Variants in PELI1 observed in about 807,000 individuals in gnomAD.
PELI1 encodes pellino E3 ubiquitin protein ligase 1.
PELI1 carries 15 observed loss-of-function variants against 41.3 expected under a neutral mutation model. That is an observed-to-expected ratio of 0.36 (90% CI 0.24 to 0.56). The LOEUF (loss-of-function observed/expected upper bound fraction) is 0.56. PELI1 is among the 20% of genes least tolerant of loss of function. The probability of loss-of-function intolerance (pLI) is 0.82; values close to 1 mark genes in which losing one functional copy is unlikely to be tolerated. For missense variants in PELI1, 403 were observed against 525.5 expected (o/e 0.77, Z 2.28); for synonymous variants, 178 against 180.1 (o/e 0.99, Z 0.09).
chr2:64,115,308 T>C (rs1680957653), intron 1 of PELI1, among the ~76,000 whole-genome samples: 1 of 152,202 alleles, frequency 6.6e-6, no homozygotes, highest in African/African-American at 2.4e-5. Context: ...AAGGGGCCCA[T>C]ATTTAGAAAA....
chr2:64,131,462 T>A (rs1681554191), intron 1 of PELI1, among the ~76,000 whole-genome samples: 1 of 152,130 alleles, frequency 6.6e-6, no homozygotes, highest in African/African-American at 2.4e-5. Context: ...TATTGTTATT[T>A]TTTATTATAT....
At chr2:64,108,105 AC>A in intron 2 of PELI1, 134 bp downstream of exon 2, 1 of 605,160 alleles carries the variant, frequency 1.7e-6, no homozygotes, top group Non-Finnish European at 3.0e-6. Flanking sequence ...TGATTTGGTA[AC>A]ATTACCTGTA....
chr2:64,141,083 T>C (rs1681897886), intron 1 of PELI1, among the ~76,000 whole-genome samples: 1 of 152,218 alleles, frequency 6.6e-6, no homozygotes, highest in African/African-American at 2.4e-5. Flanking sequence ...TAGAAATCTA[T>C]AAACAGAAAG....
At chr2:64,119,835 A>G (rs1014864526) in intron 1 of PELI1, among the ~76,000 whole-genome samples, 71 of 152,328 alleles carry the variant, frequency 4.7e-4, no homozygotes, top group African/African-American at 1.6e-3. Flanking sequence ...GCACCTTTTC[A>G]TATTAGTAAA....
intron 1 of PELI1, among the ~76,000 whole-genome samples, chr2:64,137,164 A>G (rs1331423191): frequency 3.3e-5 from 5 of 152,218 alleles, no homozygotes; most frequent in Non-Finnish European, 7.4e-5. Context: ...GCATTTAAAC[A>G]TTTAGATGAG....
intron 1 of PELI1, among the ~76,000 whole-genome samples, chr2:64,133,030 T>C (rs550707925): frequency 3.9e-5 from 6 of 152,210 alleles, no homozygotes; most frequent in Non-Finnish European, 8.8e-5. Context: ...GGCCTCTTTA[T>C]TTCTTGGTCT....
chr2:64,109,177 T>C (rs1680721851), intron 1 of PELI1, among the ~76,000 whole-genome samples: 2 of 152,272 alleles, frequency 1.3e-5, no homozygotes, highest in Non-Finnish European at 1.5e-5. Context: ...ATCCTCTTCC[T>C]GAGGCATCAG....
chr2:64,129,803 A>G (rs1318278766), intron 1 of PELI1, among the ~76,000 whole-genome samples: 2 of 152,228 alleles, frequency 1.3e-5, no homozygotes, highest in Non-Finnish European at 2.9e-5. Flanking sequence ...GTATAATAGA[A>G]TATAGTCTAC....
chr2:64,096,392 T>C (rs76204822), intron 5 of PELI1, 21 bp downstream of exon 5: 23 of 1,599,134 alleles, frequency 1.4e-5, no homozygotes, highest in Non-Finnish European at 1.7e-5. Context: ...GAAAGCATCA[T>C]TTAGAAAAAA....
chr2:64,101,985 G>A (rs952952581), intron 3 of PELI1, among the ~76,000 whole-genome samples: 7 of 151,916 alleles, frequency 4.6e-5, no homozygotes, highest in East Asian at 1.9e-4. Context: ...ATGCCACCAC[G>A]CCCGGCTAAT....
At chr2:64,138,179 C>T (rs932851809) in intron 1 of PELI1, among the ~76,000 whole-genome samples, 2 of 152,064 alleles carry the variant, frequency 1.3e-5, no homozygotes, top group Non-Finnish European at 2.9e-5. Flanking sequence ...TCAAATGATC[C>T]TCCCACCTCA....
Position 64,094,513 on chromosome 2 carries a change from A to G in PELI1, c.*189T>C, listed in dbSNP as rs534079623. The G allele has an allele frequency of 2.0e-5, 10 of 504,800 alleles. No individual in the cohort carries two copies. The South Asian group carries it at 3.5e-4, about 18-fold the overall frequency. 31.3% of individuals were successfully genotyped at this position (504,800 alleles called of 1,614,324 possible). ...GAATTCAGAAGACTGATACTTTCAGAAATTCCTTTGCTTGAGTTTCCCAGA... is the reference window on the plus strand; with the variant it reads ...GAATTCAGAAGACTGATACTTTCAGGAATTCCTTTGCTTGAGTTTCCCAGA... On this transcript the variant is annotated 3_prime_UTR_variant, in exon 7 of 7. Coordinates refer to ENST00000358912, the MANE Select transcript of PELI1 (RefSeq NM_020651.4).
At chr2:64,114,420 A>G (rs1481869685) in intron 1 of PELI1, among the ~76,000 whole-genome samples, 1 of 152,196 alleles carries the variant, frequency 6.6e-6, no homozygotes, top group Non-Finnish European at 1.5e-5. Flanking sequence ...AGGAGAAATA[A>G]TGGTGTGCAG....
At chr2:64,119,748 G>C (rs1681144734) in intron 1 of PELI1, among the ~76,000 whole-genome samples, 1 of 152,144 alleles carries the variant, frequency 6.6e-6, no homozygotes, top group Non-Finnish European at 1.5e-5. Context: ...GAAAGAGTAT[G>C]ATATTCCATT....
At chr2:64,112,309 A>T (rs1161856288) in intron 1 of PELI1, among the ~76,000 whole-genome samples, 1 of 152,152 alleles carries the variant, frequency 6.6e-6, no homozygotes, top group Non-Finnish European at 1.5e-5. Flanking sequence ...AAGGGACTAA[A>T]GTGGAATAAA....
intron 1 of PELI1, among the ~76,000 whole-genome samples, chr2:64,132,597 C>A (rs1000258540): frequency 2.0e-5 from 3 of 152,130 alleles, no homozygotes; most frequent in Non-Finnish European, 4.4e-5. Context: ...CCACCTATGT[C>A]AAGTTCATTC....
chr2:64,095,918 C>T (rs1329231601), intron 6 of PELI1, among the ~76,000 whole-genome samples: 1 of 152,176 alleles, frequency 6.6e-6, no homozygotes, highest in Non-Finnish European at 1.5e-5. Flanking sequence ...GCTGGGATTA[C>T]AGGTGTGAGC....
At chr2:64,119,165 T>C (rs1406764302) in intron 1 of PELI1, among the ~76,000 whole-genome samples, 1 of 152,138 alleles carries the variant, frequency 6.6e-6, no homozygotes, top group Non-Finnish European at 1.5e-5. Context: ...ACAAAAGCCT[T>C]GGAGCTTGAG....
chr2:64,140,699 G>T (rs565793624), intron 1 of PELI1, among the ~76,000 whole-genome samples: 2 of 147,572 alleles, frequency 1.4e-5, no homozygotes, highest in African/African-American at 2.5e-5. Flanking sequence ...ACAACAAAAA[G>T]TATTTAGGAC....
Sources: allele counts gnomAD v4.1 joint callset (sites outside exome capture counted in the v4.1 genomes callset), GRCh38; gene constraint gnomAD v4.1.1; transcripts MANE v1.5; gene names NCBI Gene and HGNC (gene_info 2026-07-23, HGNC 2026-07-21).